Variants in GPT2 observed in about 807,000 individuals in gnomAD.
The protein encoded by GPT2 is glutamic--pyruvic transaminase 2.
GPT2 carries 30 observed loss-of-function variants against 56.9 expected under a neutral mutation model. The ratio of observed to expected loss-of-function variants is 0.53; its 90% CI spans 0.39 to 0.72. GPT2 has a LOEUF of 0.72. Among genes scored for constraint, GPT2 ranks in the 30% least tolerant of loss-of-function variants. The probability of loss-of-function intolerance (pLI) is 0.00; values close to 1 mark genes in which losing one functional copy is unlikely to be tolerated. For missense variants in GPT2, 542 were observed against 703.4 expected (o/e 0.77, Z 2.60); for synonymous variants, 271 against 283.1 (o/e 0.96, Z 0.43).
At chr16:46,910,272 T>C (rs1330217126) in intron 6 of GPT2, among the ~76,000 whole-genome samples, 1 of 148,176 alleles carries the variant, frequency 6.7e-6, no homozygotes, top group East Asian at 2.0e-4. Flanking sequence ...TCCCAGCTGC[T>C]CAGGAGGCTG....
At chr16:46,902,497 T>C (rs1960838831) in intron 4 of GPT2, among the ~76,000 whole-genome samples, 1 of 152,172 alleles carries the variant, frequency 6.6e-6, no homozygotes, top group Admixed American at 6.5e-5. Flanking sequence ...ACCTACGCTC[T>C]GGGCAGCCTG....
chr16:46,895,874 G>A (rs1380240529), intron 2 of GPT2, among the ~76,000 whole-genome samples: 1 of 152,194 alleles, frequency 6.6e-6, no homozygotes. Flanking sequence ...TTTTGAAAAG[G>A]CCATGTCTTC....
At position 46,930,881 on chromosome 16, in the gene GPT2, A is replaced by G. The variant is rs1961531207; in HGVS notation, c.*1884A>G. 1 of 152,694 alleles carries G rather than the reference A, an allele frequency of 6.5e-6. No individual in the cohort carries two copies. Among genetic ancestry groups the G allele is most frequent in the South Asian group, 2.1e-4 (1 of 4,836 alleles). 9.5% of individuals were successfully genotyped at this position (152,694 alleles called of 1,614,324 possible). A position where few individuals can be genotyped will look rare whatever the true frequency, so the allele number is the denominator to read the frequency against. On this transcript the variant is annotated 3_prime_UTR_variant, in exon 12 of 12. Transcript: ENST00000340124. ...ATTTGCTTTCAAAATAAATAAGGTCAGCTAGTCTAGGAGGTTAACGTCGGG... is the reference window on the plus strand; with the variant it reads ...ATTTGCTTTCAAAATAAATAAGGTCGGCTAGTCTAGGAGGTTAACGTCGGG...
In GPT2 at chr16:46,924,281, G is replaced by T. The variant is rs1438098411; in HGVS notation, c.1213-108G>T. 3.9e-6 allele frequency: 5 copies of T among 1,279,252 alleles called. No individual in the cohort carries two copies. In the South Asian group the frequency reaches 6.2e-5, roughly 16 times the overall value. The allele number at this position is 1,279,252 out of a possible 1,614,324, so 79.2% of individuals were successfully genotyped here. ...GAGGGGACATGTGTTCAAAGCTGGAGCAAAGTCATCATCTGGGATTTCCGC... is the reference window on the plus strand; with the variant it reads ...GAGGGGACATGTGTTCAAAGCTGGATCAAAGTCATCATCTGGGATTTCCGC... On this transcript the variant is annotated intron_variant, in intron 9 of 11. Transcript: ENST00000340124.
intron 2 of GPT2, among the ~76,000 whole-genome samples, chr16:46,887,949 G>C (rs568885168): frequency 1.3e-5 from 2 of 152,338 alleles, no homozygotes; most frequent in East Asian, 1.9e-4. Context: ...CAGCTCCAAA[G>C]GGGAGAACCT....
chr16:46,906,677 AG>A (rs1305078404), intron 4 of GPT2, among the ~76,000 whole-genome samples, 164 bp from the exon 5 acceptor site: 5 of 152,130 alleles, frequency 3.3e-5, no homozygotes, highest in African/African-American at 1.2e-4. Flanking sequence ...AAGCCAAGAC[AG>A]GTGGTTAAGC....
intron 2 of GPT2, among the ~76,000 whole-genome samples, chr16:46,896,775 G>T (rs534753229): frequency 6.6e-6 from 1 of 152,362 alleles, no homozygotes; most frequent in South Asian, 2.1e-4. Context: ...TGTTCGGGAT[G>T]CTTGGGCAGC....
chr16:46,922,728 G>A (rs1961316720), intron 9 of GPT2, among the ~76,000 whole-genome samples: 1 of 152,118 alleles, frequency 6.6e-6, no homozygotes, highest in Non-Finnish European at 1.5e-5. Context: ...TCATGAAACT[G>A]AAAAGAAGAC....
chr16:46,893,353 G>C (rs1290230611), intron 2 of GPT2, among the ~76,000 whole-genome samples: 1 of 151,918 alleles, frequency 6.6e-6, no homozygotes, highest in Non-Finnish European at 1.5e-5. Flanking sequence ...GGATGGTCTC[G>C]ATCTGCTGAC....
chr16:46,916,708 G>T lies in GPT2; in HGVS notation c.900+1G>T. 1 of 1,606,838 alleles carries T rather than the reference G, an allele frequency of 6.2e-7. No homozygotes were observed. The highest frequency in any genetic ancestry group is 8.5e-7 in the Non-Finnish European group (1 of 1,173,422). ...GAAGCTCTTTCTCCTGGCTGATGAGGTAAGAATGTCCCCACTCAGAGGGAG... is the reference window on the plus strand; with the variant it reads ...GAAGCTCTTTCTCCTGGCTGATGAGTTAAGAATGTCCCCACTCAGAGGGAG... On this transcript the variant is annotated splice_donor_variant, in intron 7 of 11. Coordinates refer to ENST00000340124, the MANE Select transcript of GPT2 (RefSeq NM_133443.4). LOFTEE classifies it high-confidence loss of function.
chr16:46,888,409 C>T (rs1037487926), intron 2 of GPT2, among the ~76,000 whole-genome samples: 3 of 152,180 alleles, frequency 2.0e-5, no homozygotes, highest in East Asian at 1.9e-4. Flanking sequence ...TGCAGTGATG[C>T]GATCTCATCT....
chr16:46,910,625 T>C (rs1403551213), intron 6 of GPT2, among the ~76,000 whole-genome samples: 1 of 152,122 alleles, frequency 6.6e-6, no homozygotes, highest in Non-Finnish European at 1.5e-5. Context: ...AGATTGGGTC[T>C]TACTCTGTGG....
chr16:46,922,373 A>AC lies in GPT2; in HGVS notation c.1175dup (p.Val393GlyfsTer8). On this transcript the variant is annotated frameshift_variant, in exon 9 of 12. Coordinates refer to ENST00000340124, the MANE Select transcript of GPT2 (RefSeq NM_133443.4). LOFTEE classifies it high-confidence loss of function. ...CAGGCCGCCATGGACATTGTCGTGAACCCCCCGGTGGCAGGAGAGGAGTCC... is the reference window on the plus strand; with the variant it reads ...CAGGCCGCCATGGACATTGTCGTGAACCCCCCCGGTGGCAGGAGAGGAGTCC... The AC allele has an allele frequency of 3.1e-6, 5 of 1,613,336 alleles. No individual in the cohort carries two copies. The highest frequency in any genetic ancestry group is 4.2e-6 in the Non-Finnish European group (5 of 1,179,796).
At chr16:46,917,659 C>G (rs927072129) in intron 7 of GPT2, among the ~76,000 whole-genome samples, 8 of 152,052 alleles carry the variant, frequency 5.3e-5, no homozygotes, top group East Asian at 1.9e-4. Context: ...TGTCACCCCC[C>G]CACACATGCC....
intron 6 of GPT2, chr16:46,915,831 TACAC>T (rs985475091): frequency 7.6e-6 from 1 of 131,876 alleles, no homozygotes; most frequent in African/African-American, 3.0e-5. Flanking sequence ...CCATCACACC[TACAC>T]ACACACCTAC....
chr16:46,912,278 C>T (rs1265139086), intron 6 of GPT2, among the ~76,000 whole-genome samples: 2 of 152,248 alleles, frequency 1.3e-5, no homozygotes, highest in East Asian at 1.9e-4. Flanking sequence ...AGTCAGAGTC[C>T]GTGTCACAGG....
At chr16:46,885,041 C>A in intron 2 of GPT2, 83 bp downstream of exon 2, 1 of 1,381,414 alleles carries the variant, frequency 7.2e-7, no homozygotes, top group Non-Finnish European at 9.4e-7. Flanking sequence ...GTCCTTCCCA[C>A]GACGTCCACC....
chr16:46,893,123 G>T (rs112397602), intron 2 of GPT2, among the ~76,000 whole-genome samples: 1 of 438 alleles, frequency 2.3e-3, no homozygotes, highest in African/African-American at 6.3e-3. Flanking sequence ...TGAATTTTTT[G>T]TTTGTTTGTT....
At chr16:46,886,212 C>T (rs1020245061) in intron 2 of GPT2, among the ~76,000 whole-genome samples, 2 of 152,218 alleles carry the variant, frequency 1.3e-5, no homozygotes, top group South Asian at 4.2e-4. Flanking sequence ...AGAGGTGGGC[C>T]GGGCAGAGAA....
Sources: gnomAD v4.1 joint callset for allele counts (sites outside exome capture counted in the v4.1 genomes callset) on GRCh38, gnomAD v4.1.1 for gene constraint, MANE v1.5 for transcripts, NCBI Gene and HGNC (gene_info 2026-07-23, HGNC 2026-07-21) for gene names.